Variants in TRPV6 observed in about 807,000 individuals in gnomAD.
TRPV6 encodes the protein Alu-binding protein with zinc finger domain.
In TRPV6, 39 loss-of-function variants were observed where a neutral mutation model predicts 79.0. The ratio of observed to expected loss-of-function variants is 0.49; its 90% CI spans 0.38 to 0.64. The LOEUF (loss-of-function observed/expected upper bound fraction) is 0.64, where lower values mean the gene tolerates loss of function less well. Among genes scored for constraint, TRPV6 ranks in the 30% least tolerant of loss-of-function variants. TRPV6 has a pLI of 0.00. For synonymous variants in TRPV6, 373 were observed against 391.9 expected, an observed-to-expected ratio of 0.95 and a Z score of 0.57; for missense variants, 813 against 1,011.1, an observed-to-expected ratio of 0.80 and a Z score of 2.66.
intron 8 of TRPV6, 42 bp downstream of exon 8, chr7:142,875,419 ACAGAGAG>A (rs779917043): frequency 2.0e-6 from 3 of 1,505,296 alleles, no homozygotes; most frequent in South Asian, 1.3e-5. Flanking sequence ...GTCTCTGAGG[ACAGAGAG>A]CCAAGTCCTG....
rs387907547 is a variant in TRPV6, at chr7:142,874,600, C to G, written c.1463G>C (p.Ser488Thr). ...AAAGGACATGGGTACCACCTCCCCG[C>G]TGGCACTGATGAGCCGCATCACCAT... The change falls in exon 11 of 15, where the codon AGC becomes ACC. Residue 488 changes from serine to threonine, a missense_variant. Ser to Thr is a moderately conservative substitution (Grantham distance 58). This residue lies in a region of TRPV6 where 94 missense variants were observed against 194.0 expected (regional missense o/e 0.48). Coordinates refer to ENST00000359396, the MANE Select transcript of TRPV6 (RefSeq NM_018646.6). 1 of 1,614,178 alleles carries G rather than the reference C, an allele frequency of 6.2e-7. No individual in the cohort carries two copies. The highest frequency in any genetic ancestry group is 1.1e-5 in the South Asian group (1 of 91,080).
rs1323726522 is a variant in TRPV6 at position 142,874,997 on chromosome 7, G to A, written c.1330-17C>T. 1.2e-6 allele frequency: 2 copies of A among 1,614,118 alleles called. No homozygotes were observed. Among genetic ancestry groups the A allele is most frequent in the Non-Finnish European group, 1.7e-6 (2 of 1,180,018 alleles). On this transcript the variant is annotated splice_polypyrimidine_tract_variant and intron_variant, in intron 9 of 14. Transcript: ENST00000359396. ...GTCTGGAACCTGAAGAGGTCAGGGA[G>A]ACACAAAGGCACTCAGATACCGGAA...
chr7:142,879,329 C>G (rs562245731), intron 1 of TRPV6: 10 of 152,266 alleles, frequency 6.6e-5, no homozygotes, highest in Admixed American at 2.6e-4. Flanking sequence ...CTCTGAATCC[C>G]CAGATCATCT....
At chr7:142,875,424 G>C (rs768401952) in intron 8 of TRPV6, 44 bp downstream of exon 8, 7 of 1,519,536 alleles carry the variant, frequency 4.6e-6, no homozygotes, top group Non-Finnish European at 5.3e-6. Flanking sequence ...TGAGGACAGA[G>C]AGCCAAGTCC....
intron 2 of TRPV6, 73 bp from the exon 3 acceptor site, chr7:142,877,846 A>G: frequency 6.2e-7 from 1 of 1,612,942 alleles, no homozygotes. Flanking sequence ...TTCAGAGGCC[A>G]ACAGCACGAG....
chr7:142,871,241 T>C lies in TRPV6; in HGVS notation c.*466A>G, dbSNP rs1794912179. ...GAAAACGACTTTATTGAAGATGGAG[T>C]TGGCAAGACCTAGCCCCACTTCCCA... On this transcript the variant is annotated 3_prime_UTR_variant, in exon 15 of 15. Coordinates refer to ENST00000359396, the MANE Select transcript of TRPV6 (RefSeq NM_018646.6). 4 of 514,968 alleles carry C rather than the reference T, an allele frequency of 7.8e-6. No individual in the cohort carries two copies. The highest frequency in any genetic ancestry group is 4.1e-5 in the South Asian group (2 of 48,576). 31.9% of individuals were successfully genotyped at this position (514,968 alleles called of 1,614,324 possible).
chr7:142,872,408 C>T lies in TRPV6; in HGVS notation c.1979G>A (p.Gly660Glu). Reference sequence around the variant, plus strand: ...GCGGTCTCCCAGGCCATACTCCCGTCCGCAGATCCCGGAGCGAGGCCACAG... The same window carrying T: ...GCGGTCTCCCAGGCCATACTCCCGTTCGCAGATCCCGGAGCGAGGCCACAG... The change falls in exon 14 of 15, where the codon GGA becomes GAA. Residue 660 changes from glycine to glutamate, a missense_variant. Transcript: ENST00000359396. 1 of 1,614,250 alleles carries T rather than the reference C, an allele frequency of 6.2e-7. No homozygotes were observed.
intron 1 of TRPV6, 118 bp from the exon 2 acceptor site, chr7:142,878,144 T>C: frequency 1.3e-6 from 1 of 780,476 alleles, no homozygotes; most frequent in South Asian, 1.5e-5. Flanking sequence ...AGCAGGAACC[T>C]CAGGGTCTTC....
intron 1 of TRPV6, chr7:142,878,402 A>T: frequency 4.0e-6 from 1 of 250,478 alleles, no homozygotes. Flanking sequence ...GTCCTGTTTG[A>T]CCCTCACCAG....
Position 142,885,391 on chromosome 7 carries a change from C to G in TRPV6, c.246G>C (p.Lys82Asn). 6.2e-7 allele frequency: 1 copy of G among 1,612,006 alleles called. No individual in the cohort carries two copies. ...GGAGCAGACCAAGGGGGCCTTACCT[C>G]TTCTGCTGCAGCAGGTTCTGCTCAT... The change falls in exon 1 of 15, where the codon AAG becomes AAC. Residue 82 changes from lysine to asparagine, a missense_variant and splice_region_variant. This residue lies in a region of TRPV6 where 555 missense variants were observed against 631.0 expected (regional missense o/e 0.88). Transcript: ENST00000359396.
chr7:142,871,549 G>C lies in TRPV6; in HGVS notation c.*158C>G. 1 of 902,996 alleles carries C rather than the reference G, an allele frequency of 1.1e-6. No individual in the cohort carries two copies. Among genetic ancestry groups the C allele is most frequent in the South Asian group, 1.8e-5 (1 of 55,754 alleles). The allele number at this position is 902,996 out of a possible 1,614,324, so 55.9% of individuals were successfully genotyped here. A position where few individuals can be genotyped will look rare whatever the true frequency, so the allele number is the denominator to read the frequency against. The stretch of plus-strand genomic sequence containing the variant: ...GAGCTGAAGGAGTAATGCAGGCCTG[G>C]AGCAGTGATTCTCAACGTACATTCC... On this transcript the variant is annotated 3_prime_UTR_variant, in exon 15 of 15. Coordinates refer to ENST00000359396, the MANE Select transcript of TRPV6 (RefSeq NM_018646.6).
rs199768684 is a variant in TRPV6 at position 142,876,757 on chromosome 7, G to T, written c.688C>A (p.Arg230=). 1.9e-5 allele frequency: 31 copies of T among 1,614,040 alleles called. No homozygotes were observed. In the Admixed American group the frequency reaches 2.5e-4, roughly 13 times the overall value. The change falls in exon 5 of 15, where the codon CGG becomes AGG. Residue 230 remains arginine (R), a synonymous_variant. Coordinates refer to ENST00000359396, the MANE Select transcript of TRPV6 (RefSeq NM_018646.6). The stretch of plus-strand genomic sequence containing the variant: ...CTCTTACCCAGGGAGTCCTGGGCCC[G>T]GATGTCAGCTCCATGCTCAATGAGC...
chr7:142,873,857 G>A lies in TRPV6; in HGVS notation c.1640-141C>T, dbSNP rs894391066. 196 of 1,263,240 alleles carry A rather than the reference G, an allele frequency of 1.6e-4. No homozygotes were observed. The highest frequency in any genetic ancestry group is 8.4e-4 in the Admixed American group (38 of 45,428). The allele number at this position is 1,263,240 out of a possible 1,614,324, so 78.3% of individuals were successfully genotyped here. A position where few individuals can be genotyped will look rare whatever the true frequency, so the allele number is the denominator to read the frequency against. Reference sequence around the variant, plus strand: ...AGTGCTCCAAACTTTGGGTTTTTACGGTCCCTAGTTTTGTATGAGCCTCAT... The same window carrying A: ...AGTGCTCCAAACTTTGGGTTTTTACAGTCCCTAGTTTTGTATGAGCCTCAT... On this transcript the variant is annotated intron_variant, in intron 12 of 14. Transcript: ENST00000359396. The surrounding 1 kb of genome is among the most constrained non-coding windows in gnomAD (Gnocchi z 4.8).
At position 142,878,023 on chromosome 7, in the gene TRPV6, G is replaced by T. The variant is rs759248930; in HGVS notation, c.252C>A (p.Ile84=). 1 of 1,613,822 alleles carries T rather than the reference G, an allele frequency of 6.2e-7. No individual in the cohort carries two copies. The highest frequency in any genetic ancestry group is 8.5e-7 in the Non-Finnish European group (1 of 1,179,704). Residue 84 remains isoleucine (I), a synonymous_variant, in exon 2 of 15, where the codon ATC becomes ATA. Coordinates refer to ENST00000359396, the MANE Select transcript of TRPV6 (RefSeq NM_018646.6). ...CAGCTAGAAGGAGAGGAGACTCCCA[G>T]ATCCTATGAAGGGATGGAATAGGAA... is the stretch of plus-strand genomic sequence containing the variant.
chr7:142,877,633 A>G lies in TRPV6; in HGVS notation c.469+18T>C. 1 of 1,613,100 alleles carries G rather than the reference A, an allele frequency of 6.2e-7. No homozygotes were observed. Among genetic ancestry groups the G allele is most frequent in the Non-Finnish European group, 8.5e-7 (1 of 1,179,562 alleles). ...ACCAGTCACTCCTGCTCTTCACCCC[A>G]GACCCGTGGGCCCTCACCCTCATAG... is the stretch of plus-strand genomic sequence containing the variant. On this transcript the variant is annotated intron_variant, in intron 3 of 14. Transcript: ENST00000359396.
chr7:142,874,061 T>C lies in TRPV6; in HGVS notation c.1639+15A>G. On this transcript the variant is annotated intron_variant, in intron 12 of 14. Transcript: ENST00000359396. ...TCTTCCCTGCCATGGCCCCTGGTCC[T>C]GGACAGATGATTACCTGAAGCAAAG... The C allele has an allele frequency of 6.2e-7, 1 of 1,612,732 alleles. No homozygotes were observed.
At chr7:142,878,691 ATT>A (rs2116523994) in intron 1 of TRPV6, 1 of 150,562 alleles carries the variant, frequency 6.6e-6, no homozygotes, top group African/African-American at 2.5e-5. Context: ...TCATTCATTC[ATT>A]CATTCATTCA....
chr7:142,882,803 A>G (rs1795221061), intron 1 of TRPV6: 3 of 152,180 alleles, frequency 2.0e-5, no homozygotes, highest in Admixed American at 2.0e-4. Context: ...CTCAATTCAC[A>G]CATTTCATAC....
rs1794996051 is a variant in TRPV6, at chr7:142,873,826, C to T, written c.1640-110G>A. 1.4e-6 allele frequency: 2 copies of T among 1,455,524 alleles called. No homozygotes were observed. The highest frequency in any genetic ancestry group is 1.3e-5 in the South Asian group (1 of 78,710). 90.2% of individuals were successfully genotyped at this position (1,455,524 alleles called of 1,614,324 possible). Reference sequence around the variant, plus strand: ...GGTCCCTTCATCTCAATATCACCAGCTCTGCAGTGCTCCAAACTTTGGGTT... The same window carrying T: ...GGTCCCTTCATCTCAATATCACCAGTTCTGCAGTGCTCCAAACTTTGGGTT... On this transcript the variant is annotated intron_variant, in intron 12 of 14. Transcript: ENST00000359396. This position sits in a 1 kb window ranked among gnomAD's most constrained non-coding sequence, Gnocchi z 4.8.
Sources: gnomAD v4.1 joint callset for allele counts on GRCh38, gnomAD v4.1.1 for gene constraint, gnomAD v4.1.1 regional missense constraint, Gnocchi (gnomAD v3.1) non-coding constraint, MANE v1.5 for transcripts, NCBI Gene and HGNC (gene_info 2026-07-23, HGNC 2026-07-21) for gene names.